Variants in PRPSAP2 observed in about 807,000 individuals in gnomAD.
The protein encoded by PRPSAP2 is phosphoribosyl pyrophosphate synthase-associated protein 2.
A neutral mutation model predicts 40.6 loss-of-function variants in PRPSAP2; 24 were observed. The ratio of observed to expected loss-of-function variants is 0.59; its 90% CI spans 0.43 to 0.83. The LOEUF (loss-of-function observed/expected upper bound fraction) is 0.83. Among genes scored for constraint, PRPSAP2 ranks in the 40% least tolerant of loss-of-function variants. The probability of loss-of-function intolerance (pLI) is 0.00; values close to 1 mark genes in which losing one functional copy is unlikely to be tolerated. For synonymous variants in PRPSAP2, 149 were observed against 164.7 expected (o/e 0.90, Z 0.73); for missense variants, 292 against 465.6 (o/e 0.63, Z 3.43).
At chr17:18,925,445 A>G (rs1293384890) in intron 10 of PRPSAP2, among the ~76,000 whole-genome samples, 1 of 152,138 alleles carries the variant, frequency 6.6e-6, no homozygotes, top group African/African-American at 2.4e-5. Flanking sequence ...GTTTATGTAA[A>G]TGATGTCTTT....
At chr17:18,889,904 C>G in intron 8 of PRPSAP2, 27 bp downstream of exon 8, 1 of 1,599,780 alleles carries the variant, frequency 6.3e-7, no homozygotes. Context: ...CAACCTCTTT[C>G]TGGATCTACT....
At chr17:18,894,479 C>CTTTTTT (rs1201159228) in intron 8 of PRPSAP2, among the ~76,000 whole-genome samples, 2 of 120,576 alleles carry the variant, frequency 1.7e-5, no homozygotes, top group Admixed American at 9.1e-5. Context: ...TTTCAATAGT[C>CTTTTTT]TTTTTTTTTT....
intron 9 of PRPSAP2, among the ~76,000 whole-genome samples, chr17:18,921,689 C>G (rs189467638): frequency 6.2e-4 from 95 of 152,284 alleles, no homozygotes; most frequent in South Asian, 3.5e-3. Flanking sequence ...AAACATGCTG[C>G]TAAACTTCTC....
intron 6 of PRPSAP2, among the ~76,000 whole-genome samples, chr17:18,878,161 C>G (rs887654477): frequency 6.6e-5 from 10 of 152,194 alleles, no homozygotes; most frequent in Admixed American, 2.0e-4. Flanking sequence ...AGGGATGTTT[C>G]TGCTCCAGCC....
intron 1 of PRPSAP2, among the ~76,000 whole-genome samples, chr17:18,860,118 G>A (rs186064964): frequency 1.1e-3 from 166 of 151,756 alleles, no homozygotes; most frequent in African/African-American, 3.9e-3. Flanking sequence ...GGAGTGTAGT[G>A]GCGCGATCTC....
intron 9 of PRPSAP2, among the ~76,000 whole-genome samples, chr17:18,914,255 T>TTG (rs1377031684): frequency 8.3e-6 from 1 of 120,342 alleles, no homozygotes; most frequent in East Asian, 2.3e-4. Flanking sequence ...TTTGCTTTTT[T>TTG]TTTTTTTTTT....
chr17:18,862,177 G>A (rs8069826), intron 1 of PRPSAP2, among the ~76,000 whole-genome samples: 18 of 151,948 alleles, frequency 1.2e-4, no homozygotes, highest in African/African-American at 3.9e-4. Context: ...CATGAGCCAC[G>A]GCGCCTGGCC....
chr17:18,899,063 C>G (rs1293378891), intron 8 of PRPSAP2, among the ~76,000 whole-genome samples: 1 of 152,094 alleles, frequency 6.6e-6, no homozygotes, highest in African/African-American at 2.4e-5. Flanking sequence ...CACCACCACG[C>G]CCAGCTACTT....
intron 7 of PRPSAP2, among the ~76,000 whole-genome samples, chr17:18,885,812 C>A (rs2039101731): frequency 6.6e-6 from 1 of 152,066 alleles, no homozygotes; most frequent in Non-Finnish European, 1.5e-5. Context: ...GTCTCGAACT[C>A]CTGACCTCAG....
intron 2 of PRPSAP2, 54 bp downstream of exon 2, chr17:18,865,618 C>T (rs1407609523): frequency 4.1e-6 from 1 of 242,270 alleles, no homozygotes; most frequent in Non-Finnish European, 7.7e-6. Flanking sequence ...TAATGTATTT[C>T]CATAAATTTA....
At chr17:18,858,379 C>T (rs1225025327) in intron 1 of PRPSAP2, 118 bp downstream of exon 1, 3 of 152,430 alleles carry the variant, frequency 2.0e-5, no homozygotes, top group Non-Finnish European at 2.9e-5. Context: ...GGTCGGGGTC[C>T]CTGGGTGGTG....
intron 10 of PRPSAP2, among the ~76,000 whole-genome samples, chr17:18,927,594 T>C (rs2042039017): frequency 6.6e-6 from 1 of 152,246 alleles, no homozygotes; most frequent in Admixed American, 6.5e-5. Context: ...TAAAACTCGC[T>C]ATGTACATTC....
At chr17:18,870,808 C>CAAAA (rs59205286) in intron 4 of PRPSAP2, among the ~76,000 whole-genome samples, 2 of 125,604 alleles carry the variant, frequency 1.6e-5, no homozygotes, top group Non-Finnish European at 3.3e-5. Flanking sequence ...GACCTTGTCT[C>CAAAA]AAAAAAAAAA....
chr17:18,894,544 A>C (rs1284099187), intron 8 of PRPSAP2, among the ~76,000 whole-genome samples: 1 of 147,074 alleles, frequency 6.8e-6, no homozygotes, highest in Non-Finnish European at 1.5e-5. Context: ...CAGTGGTGCA[A>C]TCTTGGCTCA....
At chr17:18,884,191 T>C (rs949887924) in intron 7 of PRPSAP2, among the ~76,000 whole-genome samples, 2 of 152,062 alleles carry the variant, frequency 1.3e-5, no homozygotes, top group Non-Finnish European at 2.9e-5. Flanking sequence ...TGCTTGAACC[T>C]GGGAGGTGGA....
chr17:18,877,480 C>T (rs1333930740), intron 5 of PRPSAP2, among the ~76,000 whole-genome samples: 1 of 152,118 alleles, frequency 6.6e-6, no homozygotes, highest in Non-Finnish European at 1.5e-5. Context: ...AGCTTGTGGA[C>T]ACGCTCCTCT....
At chr17:18,892,956 G>A (rs950650978) in intron 8 of PRPSAP2, among the ~76,000 whole-genome samples, 2 of 151,616 alleles carry the variant, frequency 1.3e-5, no homozygotes, top group Non-Finnish European at 2.9e-5. Flanking sequence ...AGAAATGCCT[G>A]TTCACACCCT....
At chr17:18,876,660 A>T (rs1056835047) in intron 5 of PRPSAP2, among the ~76,000 whole-genome samples, 3 of 152,214 alleles carry the variant, frequency 2.0e-5, no homozygotes, top group Admixed American at 1.3e-4. Context: ...ATTATCTAGA[A>T]GGTGATGAAT....
rs1201159228 is a variant in PRPSAP2, at chr17:18,894,479, C to CTTT, written c.584+4618_584+4620dup. Among the ~76,000 whole-genome samples the CTTT allele has an allele frequency of 9.8e-4, 118 of 120,584 alleles. 6 individuals carry two copies. Among genetic ancestry groups the CTTT allele is most frequent in the African/African-American group, 3.8e-3 (115 of 30,654 alleles). 79.1% of individuals were successfully genotyped at this position (120,584 alleles called of 152,430 possible). On this transcript the variant is annotated intron_variant, in intron 8 of 11. Coordinates refer to ENST00000268835, the MANE Select transcript of PRPSAP2 (RefSeq NM_002767.4). Reference sequence around the variant, plus strand: ...CGGCCCTCTGTAGCTTTTCAATAGTCTTTTTTTTTTTTTTTTTTGAGACAG... The same window carrying CTTT: ...CGGCCCTCTGTAGCTTTTCAATAGTCTTTTTTTTTTTTTTTTTTTTTGAGACAG...
Sources: allele counts gnomAD v4.1 joint callset (sites outside exome capture counted in the v4.1 genomes callset), GRCh38; gene constraint gnomAD v4.1.1; transcripts MANE v1.5; gene names NCBI Gene and HGNC (gene_info 2026-07-23, HGNC 2026-07-21).